The following ST6GALNAC3 variants were observed in gnomAD, a reference collection of about 807,000 sequenced individuals.
ST6GALNAC3 encodes the protein alpha-N-acetylgalactosaminide alpha-2,6-sialyltransferase 3.
ST6GALNAC3 carries 25 observed loss-of-function variants against 32.7 expected under a neutral mutation model. That is an observed-to-expected ratio of 0.76 (90% CI 0.56 to 1.07). ST6GALNAC3 has a LOEUF of 1.07. Ranked by LOEUF, ST6GALNAC3 falls within the 50% of genes least tolerant of loss-of-function variation. The pLI, the probability that ST6GALNAC3 is intolerant of heterozygous loss-of-function variation, is 0.00. For synonymous variants in ST6GALNAC3, 129 were observed against 133.1 expected (o/e 0.97, Z 0.21); for missense variants, 355 against 382.4 (o/e 0.93, Z 0.60).
chr1:76,224,970 T>C (rs938340322), intron 1 of ST6GALNAC3, among the ~76,000 whole-genome samples: 6 of 152,130 alleles, frequency 3.9e-5, no homozygotes, highest in Admixed American at 6.6e-5. Flanking sequence ...AGCCTGTTAT[T>C]ATAGGAGTGG....
intron 1 of ST6GALNAC3, among the ~76,000 whole-genome samples, chr1:76,172,737 T>C (rs529442350): frequency 6.6e-6 from 1 of 152,098 alleles, no homozygotes; most frequent in Non-Finnish European, 1.5e-5. Context: ...CCATTTGCAA[T>C]TGTTACAAAG....
At chr1:76,365,768 T>C (rs1650316590) in intron 2 of ST6GALNAC3, among the ~76,000 whole-genome samples, 1 of 152,200 alleles carries the variant, frequency 6.6e-6, no homozygotes, top group South Asian at 2.1e-4. Flanking sequence ...TTCTGAAAAT[T>C]GATAAACAAA....
intron 1 of ST6GALNAC3, among the ~76,000 whole-genome samples, chr1:76,213,999 A>G (rs1409297977): frequency 6.6e-6 from 1 of 152,184 alleles, no homozygotes; most frequent in East Asian, 1.9e-4. Flanking sequence ...ATTAAATATA[A>G]TTGAAAGAAA....
chr1:76,313,296 G>A (rs1033878972), intron 1 of ST6GALNAC3, among the ~76,000 whole-genome samples: 7 of 152,100 alleles, frequency 4.6e-5, no homozygotes, highest in Non-Finnish European at 8.8e-5. Context: ...AGATCAAGAT[G>A]ACACAGTACA....
At chr1:76,578,918 G>T (rs1646851398) in intron 3 of ST6GALNAC3, among the ~76,000 whole-genome samples, 1 of 152,054 alleles carries the variant, frequency 6.6e-6, no homozygotes. Flanking sequence ...ACAAATTTGT[G>T]TGTGGGTGGA....
chr1:76,347,297 T>G (rs144167204), intron 2 of ST6GALNAC3, among the ~76,000 whole-genome samples: 3 of 152,306 alleles, frequency 2.0e-5, no homozygotes, highest in Admixed American at 1.3e-4. Context: ...TTAAGCAGTT[T>G]TGGATATATG....
intron 1 of ST6GALNAC3, among the ~76,000 whole-genome samples, chr1:76,278,018 A>G (rs904690076): frequency 6.6e-6 from 1 of 152,088 alleles, no homozygotes; most frequent in East Asian, 1.9e-4. Flanking sequence ...AAATTTTATA[A>G]TAATCTTGGA....
At chr1:76,224,587 T>C (rs1160233664) in intron 1 of ST6GALNAC3, among the ~76,000 whole-genome samples, 3 of 152,224 alleles carry the variant, frequency 2.0e-5, no homozygotes, top group Non-Finnish European at 4.4e-5. Context: ...TGATTCTTTC[T>C]TCAACACAGA....
rs145641018 is a variant in ST6GALNAC3, at chr1:76,301,027, T to C, written c.19-12778T>C. Among the ~76,000 whole-genome samples, 351 of 152,180 alleles carry C rather than the reference T, an allele frequency of 2.3e-3. 3 individuals are homozygous for C. Among genetic ancestry groups the C allele is most frequent in the Non-Finnish European group, 4.3e-3 (294 of 67,960 alleles). ...AAAGGAAATTGATGATCATTGATTG[T>C]CTGCTATGTAATGGGCACTAAGCTA... On this transcript the variant is annotated intron_variant, in intron 1 of 4. Coordinates refer to ENST00000328299, the MANE Select transcript of ST6GALNAC3 (RefSeq NM_152996.4).
intron 1 of ST6GALNAC3, among the ~76,000 whole-genome samples, chr1:76,121,209 T>G: frequency 6.6e-6 from 1 of 152,326 alleles, no homozygotes; most frequent in East Asian, 1.9e-4. Context: ...GATTAGGATG[T>G]TGGCATTTTG....
intron 1 of ST6GALNAC3, among the ~76,000 whole-genome samples, chr1:76,248,494 C>T (rs1557725532): frequency 6.6e-6 from 1 of 152,106 alleles, no homozygotes; most frequent in African/African-American, 2.4e-5. Flanking sequence ...ATTTAAAGAC[C>T]TTTCCTTAGC....
At chr1:76,083,927 T>C (rs1231634022) in intron 1 of ST6GALNAC3, among the ~76,000 whole-genome samples, 1 of 152,244 alleles carries the variant, frequency 6.6e-6, no homozygotes, top group African/African-American at 2.4e-5. Flanking sequence ...CTAAGTTGAA[T>C]TGTGCTTAGA....
At position 76,305,436 on chromosome 1, in the gene ST6GALNAC3, T is replaced by TCC. The variant is rs1373195205; in HGVS notation, c.19-8368_19-8367insCC. On this transcript the variant is annotated intron_variant, in intron 1 of 4. Coordinates refer to ENST00000328299, the MANE Select transcript of ST6GALNAC3 (RefSeq NM_152996.4). ...CAAGAGGAGATGTGATTATGGAAGG[T>TCC]CTTGTATATCATACCAAGGGTCTGC... 1.7e-4 allele frequency among the ~76,000 whole-genome samples: 26 copies of TCC among 152,146 alleles called. No individual in the cohort carries two copies. The East Asian group carries it at 4.5e-3, about 26-fold the overall frequency.
intron 2 of ST6GALNAC3, among the ~76,000 whole-genome samples, chr1:76,340,534 C>A (rs1647875201): frequency 6.6e-6 from 1 of 152,198 alleles, no homozygotes; most frequent in Non-Finnish European, 1.5e-5. Flanking sequence ...CTGGCCAGGG[C>A]CCAGAGAGAA....
chr1:76,162,857 G>C (rs1314032355), intron 1 of ST6GALNAC3, among the ~76,000 whole-genome samples: 1 of 152,196 alleles, frequency 6.6e-6, no homozygotes, highest in Non-Finnish European at 1.5e-5. Context: ...ACAGGATGTA[G>C]TATTAAAGGT....
At chr1:76,376,846 T>G (rs1236556538) in intron 2 of ST6GALNAC3, among the ~76,000 whole-genome samples, 1 of 152,186 alleles carries the variant, frequency 6.6e-6, no homozygotes, top group Non-Finnish European at 1.5e-5. Flanking sequence ...CCGGGTTACT[T>G]GAACATTTTT....
intron 3 of ST6GALNAC3, among the ~76,000 whole-genome samples, chr1:76,468,627 T>C (rs1372583860): frequency 6.6e-6 from 1 of 151,994 alleles, no homozygotes; most frequent in Non-Finnish European, 1.5e-5. Context: ...GGTTTGTTCT[T>C]GTTCTTACTC....
At chr1:76,532,883 T>C (rs1663347699) in intron 3 of ST6GALNAC3, among the ~76,000 whole-genome samples, 1 of 151,962 alleles carries the variant, frequency 6.6e-6, no homozygotes, top group Non-Finnish European at 1.5e-5. Flanking sequence ...TTTTTAAAAA[T>C]ATCACCAATT....
At chr1:76,189,139 G>A (rs1348967544) in intron 1 of ST6GALNAC3, among the ~76,000 whole-genome samples, 1 of 152,250 alleles carries the variant, frequency 6.6e-6, no homozygotes, top group Non-Finnish European at 1.5e-5. Flanking sequence ...TCCCATAGGA[G>A]AATGGAAAGG....
Sources: gnomAD v4.1 joint callset for allele counts (sites outside exome capture counted in the v4.1 genomes callset) on GRCh38, gnomAD v4.1.1 for gene constraint, MANE v1.5 for transcripts, NCBI Gene and HGNC (gene_info 2026-07-23, HGNC 2026-07-21) for gene names.